Variants in DUS2 observed in about 807,000 individuals in gnomAD.
The protein encoded by DUS2 is dihydrouridine synthase 2, also known as tRNA-dihydrouridine(20) synthase [NAD(P)+]-like.
Under a neutral mutation model 71.3 loss-of-function variants are expected in DUS2, and 52 were observed. That is an observed-to-expected ratio of 0.73 (90% CI 0.58 to 0.92). DUS2 has a LOEUF of 0.92. DUS2 is among the 40% of genes least tolerant of loss of function. The pLI, the probability that DUS2 is intolerant of heterozygous loss-of-function variation, is 0.00. For synonymous variants in DUS2, 204 were observed against 227.8 expected, an observed-to-expected ratio of 0.90 and a Z score of 0.94; for missense variants, 558 against 622.6, an observed-to-expected ratio of 0.90 and a Z score of 1.10.
chr16:68,040,671 G>A (rs1475214440), intron 3 of DUS2, among the ~76,000 whole-genome samples: 1 of 152,182 alleles, frequency 6.6e-6, no homozygotes, highest in East Asian at 1.9e-4. Context: ...CCTATGGAGA[G>A]CAGACAGGCA....
intron 12 of DUS2, among the ~76,000 whole-genome samples, chr16:68,073,502 T>A (rs1598319788): frequency 6.7e-6 from 1 of 149,624 alleles, no homozygotes; most frequent in Non-Finnish European, 1.5e-5. Flanking sequence ...CAGGCTGGAG[T>A]GCAGTGGCAC....
At chr16:68,037,664 C>T (rs1430725797) in intron 2 of DUS2, among the ~76,000 whole-genome samples, 1 of 152,034 alleles carries the variant, frequency 6.6e-6, no homozygotes, top group East Asian at 1.9e-4. Context: ...GGTGATCCGC[C>T]TGCCTCGGCC....
chr16:68,072,178 G>A (rs2034096837), intron 12 of DUS2, among the ~76,000 whole-genome samples: 2 of 152,226 alleles, frequency 1.3e-5, no homozygotes, highest in South Asian at 2.1e-4. Context: ...GGCTGTGCAA[G>A]CTAGGATGGT....
chr16:68,070,101 C>A, intron 10 of DUS2, 33 bp from the exon 11 acceptor site: 1 of 1,601,460 alleles, frequency 6.2e-7, no homozygotes, highest in African/African-American at 1.3e-5. Flanking sequence ...GCTTTTGGTG[C>A]TTAGCCCTCA....
intron 16 of DUS2, 33 bp from the exon 17 acceptor site, chr16:68,078,716 T>C (rs751558210): frequency 4.4e-6 from 7 of 1,581,940 alleles, no homozygotes; most frequent in East Asian, 4.5e-5. Context: ...CCCTGCACCC[T>C]GCCCCTCACC....
intron 7 of DUS2, among the ~76,000 whole-genome samples, chr16:68,057,480 C>T (rs925519261): frequency 6.6e-6 from 1 of 151,506 alleles, no homozygotes; most frequent in African/African-American, 2.4e-5. Flanking sequence ...CACATGTAAT[C>T]CTAGCAATTT....
chr16:68,043,350 G>A (rs1252280326), intron 3 of DUS2, among the ~76,000 whole-genome samples: 1 of 151,702 alleles, frequency 6.6e-6, no homozygotes, highest in East Asian at 2.0e-4. Flanking sequence ...AGGTTGCAGT[G>A]AACTGAGATC....
At chr16:68,073,711 G>A (rs1292724811) in intron 12 of DUS2, among the ~76,000 whole-genome samples, 1 of 152,034 alleles carries the variant, frequency 6.6e-6, no homozygotes, top group Non-Finnish European at 1.5e-5. Context: ...GGCCTCCCAA[G>A]GTGCTGTGAT....
intron 2 of DUS2, among the ~76,000 whole-genome samples, chr16:68,031,512 T>C (rs2033438613): frequency 6.6e-6 from 1 of 152,152 alleles, no homozygotes; most frequent in Non-Finnish European, 1.5e-5. Context: ...TTTCTGCCAA[T>C]AAAAGCTTCC....
chr16:68,057,572 A>G (rs1384524426), intron 7 of DUS2, among the ~76,000 whole-genome samples: 1 of 151,862 alleles, frequency 6.6e-6, no homozygotes, highest in Non-Finnish European at 1.5e-5. Context: ...GTCTCTATAA[A>G]AATTTTCAAA....
Position 68,023,388 on chromosome 16 carries a change from C to T in DUS2, c.-99+37C>T, listed in dbSNP as rs1239740397. ...CGAATAGGGGATGGCGACATCCAGA[C>T]CCGGCCAGCCTTGGGGAAGGGCGCG... On this transcript the variant is annotated intron_variant, in intron 1 of 16. Coordinates refer to ENST00000565263, the MANE Select transcript of DUS2 (RefSeq NM_017803.5). 6.9e-6 allele frequency: 5 copies of T among 720,500 alleles called. No homozygotes were observed. In the African/African-American group the frequency reaches 7.4e-5, roughly 11 times the overall value. The allele number at this position is 720,500 out of a possible 1,614,324, so 44.6% of individuals were successfully genotyped here. A position where few individuals can be genotyped will look rare whatever the true frequency, so the allele number is the denominator to read the frequency against.
At chr16:68,033,722 C>G (rs554906750) in intron 2 of DUS2, among the ~76,000 whole-genome samples, 5 of 149,000 alleles carry the variant, frequency 3.4e-5, no homozygotes, top group Admixed American at 1.4e-4. Flanking sequence ...CACTTCATCT[C>G]CTGGGTTCAA....
chr16:68,057,044 ATATT>A (rs1484488979), intron 7 of DUS2, among the ~76,000 whole-genome samples: 4 of 131,088 alleles, frequency 3.1e-5, no homozygotes, highest in Admixed American at 8.5e-5. Context: ...TATGTAATAT[ATATT>A]TATATATATA....
At chr16:68,026,899 A>G (rs1219336312) in intron 2 of DUS2, 5 of 144,776 alleles carry the variant, frequency 3.5e-5, no homozygotes, top group Non-Finnish European at 7.5e-5. Flanking sequence ...AAAAAAAAGC[A>G]CAGCTATGGC....
Position 68,038,168 on chromosome 16 carries a change from C to T in DUS2, c.126+19C>T, listed in dbSNP as rs1161980534. On this transcript the variant is annotated intron_variant, in intron 3 of 16. Coordinates refer to ENST00000565263, the MANE Select transcript of DUS2 (RefSeq NM_017803.5). Reference sequence around the variant, plus strand: ...CTGTGAGGTAAGGGGCTCTGATTTTCTGGGTGGGCTTCTCCACAAGTACAG... The same window carrying T: ...CTGTGAGGTAAGGGGCTCTGATTTTTTGGGTGGGCTTCTCCACAAGTACAG... The T allele has an allele frequency of 2.5e-6, 4 of 1,612,324 alleles. No homozygotes were observed. The highest frequency in any genetic ancestry group is 1.7e-4 in the Middle Eastern group (1 of 6,046).
Position 68,054,932 on chromosome 16 carries a change from A to G in DUS2, c.308+315A>G, listed in dbSNP as rs1192340545. Among the ~76,000 whole-genome samples the G allele has an allele frequency of 3.3e-5, 5 of 152,188 alleles. No individual in the cohort carries two copies. The South Asian group carries it at 8.3e-4, about 25-fold the overall frequency. ...GTGGCGCGTGCCTGTAGTCCCAGCT[A>G]CTCAGGAGGCTGAGGCAGAAGAATC... On this transcript the variant is annotated intron_variant, in intron 6 of 16. Coordinates refer to ENST00000565263, the MANE Select transcript of DUS2 (RefSeq NM_017803.5).
At chr16:68,046,206 T>C (rs1598305533) in intron 3 of DUS2, among the ~76,000 whole-genome samples, 2 of 152,212 alleles carry the variant, frequency 1.3e-5, no homozygotes, top group African/African-American at 4.8e-5. Flanking sequence ...CTCTGCTTCC[T>C]GCCTTTTGAA....
At chr16:68,049,577 A>G (rs1264010175) in intron 4 of DUS2, 27 bp downstream of exon 4, 9 of 1,611,850 alleles carry the variant, frequency 5.6e-6, no homozygotes, top group Non-Finnish European at 7.6e-6. Context: ...CTCCAGAATT[A>G]TGCATATGCC....
intron 3 of DUS2, among the ~76,000 whole-genome samples, chr16:68,045,801 C>G (rs2033692382): frequency 6.7e-6 from 1 of 150,164 alleles, no homozygotes. Flanking sequence ...GATCTTGGCT[C>G]ACTGCAACGT....
Sources: gnomAD v4.1 joint callset for allele counts (sites outside exome capture counted in the v4.1 genomes callset) on GRCh38, gnomAD v4.1.1 for gene constraint, MANE v1.5 for transcripts, NCBI Gene and HGNC (gene_info 2026-07-23, HGNC 2026-07-21) for gene names.